GMCL1: variants seen among roughly 807,000 people sequenced by gnomAD.
GMCL1 encodes germ cell-less 1, spermatogenesis associated.
GMCL1 carries 54 observed loss-of-function variants against 75.5 expected under a neutral mutation model. That is an observed-to-expected ratio of 0.71 (90% CI 0.57 to 0.90). The LOEUF (loss-of-function observed/expected upper bound fraction) is 0.90. Ranked by LOEUF, GMCL1 falls within the 40% of genes least tolerant of loss-of-function variation. The pLI, the probability that GMCL1 is intolerant of heterozygous loss-of-function variation, is 0.00. For missense variants in GMCL1, 537 were observed against 622.7 expected, an observed-to-expected ratio of 0.86 and a Z score of 1.47; for synonymous variants, 210 against 209.6, an observed-to-expected ratio of 1.00 and a Z score of -0.02.
chr2:69,848,130 T>G (rs1028377033), intron 7 of GMCL1, among the ~76,000 whole-genome samples: 2 of 152,244 alleles, frequency 1.3e-5, no homozygotes, highest in African/African-American at 4.8e-5. Flanking sequence ...TCAGCCATTA[T>G]TCTTCCATGT....
intron 13 of GMCL1, among the ~76,000 whole-genome samples, chr2:69,878,554 T>C (rs1444662377): frequency 1.3e-5 from 2 of 152,248 alleles, no homozygotes; most frequent in East Asian, 3.8e-4. Flanking sequence ...GTGAGAAGTT[T>C]ATGTATTTCT....
intron 1 of GMCL1, among the ~76,000 whole-genome samples, chr2:69,831,657 G>T (rs1294800652): frequency 6.6e-6 from 1 of 151,986 alleles, no homozygotes; most frequent in South Asian, 2.1e-4. Flanking sequence ...GCCCAGGCTG[G>T]AATGCAGTGG....
intron 3 of GMCL1, 44 bp from the exon 4 acceptor site, chr2:69,840,898 A>G (rs1303617211): frequency 1.1e-5 from 15 of 1,309,494 alleles, no homozygotes; most frequent in Non-Finnish European, 1.6e-5. Context: ...CACTTGTAAT[A>G]GATATAAATA....
At chr2:69,874,978 C>T (rs1430642417) in intron 13 of GMCL1, among the ~76,000 whole-genome samples, 1 of 152,092 alleles carries the variant, frequency 6.6e-6, no homozygotes, top group African/African-American at 2.4e-5. Context: ...TTCCTAGGCT[C>T]AAGTGATCCA....
intron 10 of GMCL1, among the ~76,000 whole-genome samples, chr2:69,864,520 T>A (rs1675750377): frequency 6.6e-6 from 1 of 151,542 alleles, no homozygotes; most frequent in Non-Finnish European, 1.5e-5. Flanking sequence ...AAGTGGTAGG[T>A]GATATCAAGT....
intron 6 of GMCL1, among the ~76,000 whole-genome samples, chr2:69,846,520 G>A (rs1024812838): frequency 6.6e-6 from 1 of 152,128 alleles, no homozygotes; most frequent in Non-Finnish European, 1.5e-5. Context: ...ATTTGTAGGA[G>A]GTTCTGAAAC....
At chr2:69,835,631 A>G (rs958419686) in intron 1 of GMCL1, among the ~76,000 whole-genome samples, 2 of 152,190 alleles carry the variant, frequency 1.3e-5, no homozygotes, top group African/African-American at 2.4e-5. Flanking sequence ...GAGGTTCCCA[A>G]GCTTTCATGG....
chr2:69,877,693 A>ATTGT (rs1676161520), intron 13 of GMCL1, among the ~76,000 whole-genome samples: 1 of 119,856 alleles, frequency 8.3e-6, no homozygotes, highest in Admixed American at 9.4e-5. Context: ...GTACAGAGAG[A>ATTGT]GAGATTGTGT....
intron 1 of GMCL1, among the ~76,000 whole-genome samples, chr2:69,833,236 G>A (rs1035128353): frequency 6.6e-6 from 1 of 152,164 alleles, no homozygotes; most frequent in African/African-American, 2.4e-5. Flanking sequence ...ACCTTTATCG[G>A]AAAATGCATA....
intron 9 of GMCL1, among the ~76,000 whole-genome samples, chr2:69,856,936 C>A (rs141464811): frequency 2.1e-3 from 320 of 152,206 alleles, no homozygotes; most frequent in African/African-American, 7.4e-3. Flanking sequence ...ATATCCCAGC[C>A]TCCTAGTAGT....
rs755949617 is a variant in GMCL1, at chr2:69,829,976, G to C, written c.84G>C (p.Ser28=). 1 of 1,582,342 alleles carries C rather than the reference G, an allele frequency of 6.3e-7. No individual in the cohort carries two copies. The highest frequency in any genetic ancestry group is 1.8e-5 in the Admixed American group (1 of 55,390). ...CGCAGGGTGCCAGGGCGGGGGGCTC[G>C]GCCCGGAGGCCGGACACTGGAGACG... The part of the protein sequence containing the change: ...QQAQGARAGG[S]ARRPDTGDDA... The change falls in exon 1 of 14, where the codon TCG becomes TCC. Residue 28 remains serine (S), a synonymous_variant. Transcript: ENST00000282570.
At chr2:69,837,739 C>T (rs1275953058) in intron 2 of GMCL1, 69 bp downstream of exon 2, 2 of 1,503,750 alleles carry the variant, frequency 1.3e-6, no homozygotes, top group Non-Finnish European at 1.8e-6. Context: ...TTCCTCATTG[C>T]ACTTCACAGT....
rs765216327 is a variant in GMCL1 at position 69,833,709 on chromosome 2, G to A, written c.260+3557G>A. Among the ~76,000 whole-genome samples the A allele has an allele frequency of 2.0e-5, 3 of 152,202 alleles. 1 individual carries two copies. The highest frequency in any genetic ancestry group is 1.3e-4 in the Admixed American group (2 of 15,282). Reference sequence around the variant, plus strand: ...TATATACTTCCTGAGGTTGTCTGGTGTGCTCTCCCACATCAACAGACCACT... The same window carrying A: ...TATATACTTCCTGAGGTTGTCTGGTATGCTCTCCCACATCAACAGACCACT... On this transcript the variant is annotated intron_variant, in intron 1 of 13. Transcript: ENST00000282570.
At chr2:69,846,958 G>A (rs1038250641) in intron 6 of GMCL1, among the ~76,000 whole-genome samples, 1 of 150,752 alleles carries the variant, frequency 6.6e-6, no homozygotes, top group Non-Finnish European at 1.5e-5. Context: ...TCAGCCTCCC[G>A]AGTAGCTGGG....
At position 69,871,782 on chromosome 2, in the gene GMCL1, A is replaced by G. The variant is rs151019719; in HGVS notation, c.1402A>G (p.Ile468Val). Residue 468 changes from isoleucine (I) to valine (V), a missense_variant, in exon 13 of 14, where the codon ATA becomes GTA. By Grantham distance (29) the Ile-to-Val change is conservative. Coordinates refer to ENST00000282570, the MANE Select transcript of GMCL1 (RefSeq NM_178439.5). ...TTCTTTTGATAGTAGTGGAAAACTA[A>G]TATGTAGTAGAACAACTGGCTATCA... ...LASFDSSGKL[I>V]CSRTTGYQIL... The G allele has an allele frequency of 2.5e-6, 4 of 1,592,414 alleles. No homozygotes were observed. Among genetic ancestry groups the G allele is most frequent in the East Asian group, 2.2e-5 (1 of 44,564 alleles).
chr2:69,877,430 G>A (rs895980959), intron 13 of GMCL1, among the ~76,000 whole-genome samples: 2 of 152,148 alleles, frequency 1.3e-5, no homozygotes, highest in African/African-American at 4.8e-5. Context: ...GAGCCTTTTA[G>A]TTATGGAACA....
At chr2:69,871,939 A>C (rs944274259) in intron 13 of GMCL1, 107 bp downstream of exon 13, 7 of 729,504 alleles carry the variant, frequency 9.6e-6, no homozygotes, top group Non-Finnish European at 1.6e-5. Flanking sequence ...TTTTGACCTA[A>C]AAGTTGGTTT....
chr2:69,872,283 A>G (rs114471675), intron 13 of GMCL1, among the ~76,000 whole-genome samples: 1,817 of 152,306 alleles, frequency 0.012, 45 homozygotes, highest in African/African-American at 0.042. Flanking sequence ...TAAGATGGCA[A>G]ACTCTGCAAT....
At chr2:69,858,394 A>G (rs72899278) in intron 9 of GMCL1, among the ~76,000 whole-genome samples, 12,102 of 152,230 alleles carry the variant, frequency 0.079, 1,253 homozygotes, top group Admixed American at 0.23. Flanking sequence ...TTTAGTCAAA[A>G]TTTAGTCTAC....
Sources: gnomAD v4.1 joint callset for allele counts (sites outside exome capture counted in the v4.1 genomes callset) on GRCh38, gnomAD v4.1.1 for gene constraint, MANE v1.5 for transcripts, NCBI Gene and HGNC (gene_info 2026-07-23, HGNC 2026-07-21) for gene names.